The following GXYLT1 variants were observed in gnomAD, a reference collection of about 807,000 sequenced individuals.
The protein encoded by GXYLT1 is glycosyltransferase 8 domain containing 3.
GXYLT1 carries 29 observed loss-of-function variants against 54.0 expected under a neutral mutation model. The ratio of observed to expected loss-of-function variants is 0.54; its 90% CI spans 0.40 to 0.73. The LOEUF (loss-of-function observed/expected upper bound fraction) is 0.73. GXYLT1 is among the 30% of genes least tolerant of loss of function. GXYLT1 has a pLI of 0.00. For missense variants in GXYLT1, 490 were observed against 553.4 expected (o/e 0.89, Z 1.15); for synonymous variants, 176 against 204.1 (o/e 0.86, Z 1.17).
chr12:42,119,356 T>C (rs1592117887), intron 2 of GXYLT1, among the ~76,000 whole-genome samples, 185 bp from the exon 3 acceptor site: 1 of 151,582 alleles, frequency 6.6e-6, no homozygotes, highest in Middle Eastern at 3.4e-3. Context: ...CAGTAAGCTA[T>C]GACTGCATCA....
rs768877264 is a variant in GXYLT1 at position 42,087,770 on chromosome 12, A to G, written c.*16T>C. On this transcript the variant is annotated 3_prime_UTR_variant, in exon 8 of 8. Coordinates refer to ENST00000398675, the MANE Select transcript of GXYLT1 (RefSeq NM_173601.2). The stretch of plus-strand genomic sequence containing the variant: ...ATTCTTTGTTTTCATCCATTTGATT[A>G]AGCAGTCACCAAGAATCACTTTTCC... 4 of 1,549,580 alleles carry G rather than the reference A, an allele frequency of 2.6e-6. No individual in the cohort carries two copies. The highest frequency in any genetic ancestry group is 3.5e-6 in the Non-Finnish European group (4 of 1,136,120).
chr12:42,089,747 G>A (rs532736715), intron 7 of GXYLT1, among the ~76,000 whole-genome samples: 16 of 152,160 alleles, frequency 1.1e-4, no homozygotes, highest in Non-Finnish European at 2.2e-4. Flanking sequence ...AAATCCTGTT[G>A]AAGGACGAAG....
At chr12:42,088,041 T>TA in intron 7 of GXYLT1, 94 bp from the exon 8 acceptor site, 1 of 561,242 alleles carries the variant, frequency 1.8e-6, no homozygotes, top group East Asian at 3.3e-5. Context: ...ATCAGTTTAA[T>TA]ATGAACGATC....
chr12:42,088,401 A>G (rs1043449095), intron 7 of GXYLT1, among the ~76,000 whole-genome samples: 6 of 152,206 alleles, frequency 3.9e-5, no homozygotes, highest in Admixed American at 3.3e-4. Flanking sequence ...ATGATAACAT[A>G]GTTCAGCATG....
intron 6 of GXYLT1, 46 bp downstream of exon 6, chr12:42,097,864 T>C (rs1401346975): frequency 2.1e-6 from 3 of 1,402,264 alleles, no homozygotes; most frequent in South Asian, 1.2e-5. Flanking sequence ...CACTAAGTAT[T>C]ATCTGTGATT....
At chr12:42,096,513 A>G (rs942574522) in intron 7 of GXYLT1, among the ~76,000 whole-genome samples, 9 of 152,168 alleles carry the variant, frequency 5.9e-5, no homozygotes, top group Non-Finnish European at 1.2e-4. Flanking sequence ...ATAAGTATCA[A>G]AGGGTTCATA....
At chr12:42,116,953 AAAT>A (rs1203976682) in intron 3 of GXYLT1, among the ~76,000 whole-genome samples, 1 of 152,030 alleles carries the variant, frequency 6.6e-6, no homozygotes, top group Non-Finnish European at 1.5e-5. Context: ...CAGCCATAAA[AAAT>A]GATGAGTTCA....
chr12:42,097,144 T>TA lies in GXYLT1; in HGVS notation c.1161+297dup, dbSNP rs1222939617. ...AGCTTGACATATGTACTGTGGTTAA[T>TA]AAAAGAGCGTCCTTATTCTTAGTTT... On this transcript the variant is annotated intron_variant, in intron 7 of 7. Coordinates refer to ENST00000398675, the MANE Select transcript of GXYLT1 (RefSeq NM_173601.2). 2.0e-5 allele frequency among the ~76,000 whole-genome samples: 3 copies of TA among 151,916 alleles called. No individual in the cohort carries two copies. The South Asian group carries it at 6.2e-4, about 32-fold the overall frequency.
chr12:42,124,414 A>T (rs1217694026), intron 2 of GXYLT1, among the ~76,000 whole-genome samples: 2 of 152,158 alleles, frequency 1.3e-5, no homozygotes, highest in African/African-American at 4.8e-5. Context: ...ATTTGCAATC[A>T]ATGGCAAAAC....
At chr12:42,113,535 A>C (rs1194829193) in intron 3 of GXYLT1, among the ~76,000 whole-genome samples, 1 of 151,180 alleles carries the variant, frequency 6.6e-6, no homozygotes. Context: ...GAGACAAAGA[A>C]GGCCATTACA....
chr12:42,099,134 G>A (rs1192245349), intron 5 of GXYLT1, among the ~76,000 whole-genome samples: 1 of 152,126 alleles, frequency 6.6e-6, no homozygotes, highest in Admixed American at 6.6e-5. Flanking sequence ...TGCTACTGAA[G>A]AGCTGACAGA....
At chr12:42,106,370 GATA>G (rs2065421224) in intron 4 of GXYLT1, among the ~76,000 whole-genome samples, 1 of 152,102 alleles carries the variant, frequency 6.6e-6, no homozygotes, top group Non-Finnish European at 1.5e-5. Flanking sequence ...TTTCATAATG[GATA>G]ATAACATTAA....
At chr12:42,093,720 G>A (rs946714854) in intron 7 of GXYLT1, among the ~76,000 whole-genome samples, 1 of 152,004 alleles carries the variant, frequency 6.6e-6, no homozygotes, top group Non-Finnish European at 1.5e-5. Flanking sequence ...ATGCTGCCCA[G>A]GCTGGTCTCA....
At chr12:42,128,703 TTTTA>T (rs1239103201) in intron 2 of GXYLT1, among the ~76,000 whole-genome samples, 2 of 152,170 alleles carry the variant, frequency 1.3e-5, no homozygotes, top group African/African-American at 4.8e-5. Context: ...TTAATATTTA[TTTTA>T]TTTGTTTTTT....
chr12:42,105,201 T>A (rs1465410369), intron 5 of GXYLT1, among the ~76,000 whole-genome samples: 9 of 152,242 alleles, frequency 5.9e-5, no homozygotes. Context: ...TACATACTGA[T>A]GAAGTCTAAA....
At chr12:42,141,511 A>G (rs1341700641) in intron 1 of GXYLT1, among the ~76,000 whole-genome samples, 2 of 152,122 alleles carry the variant, frequency 1.3e-5, no homozygotes, top group East Asian at 3.8e-4. Context: ...TATACCTAAA[A>G]TGTGCTAAGA....
intron 2 of GXYLT1, among the ~76,000 whole-genome samples, chr12:42,121,817 G>C (rs2136908295): frequency 6.6e-6 from 1 of 151,996 alleles, no homozygotes; most frequent in Non-Finnish European, 1.5e-5. Context: ...CCTTTTTAGT[G>C]AAAGTATTAT....
chr12:42,119,710 A>G (rs1409746223), intron 2 of GXYLT1, among the ~76,000 whole-genome samples: 1 of 152,078 alleles, frequency 6.6e-6, no homozygotes, highest in African/African-American at 2.4e-5. Context: ...CAGGAGGCTG[A>G]CATGGGAGGA....
intron 1 of GXYLT1, among the ~76,000 whole-genome samples, chr12:42,132,201 A>T (rs1364729918): frequency 1.3e-5 from 2 of 152,182 alleles, no homozygotes; most frequent in Non-Finnish European, 2.9e-5. Flanking sequence ...CAGATATAGG[A>T]TCCTATCCCA....
Sources: gnomAD v4.1 joint callset for allele counts (sites outside exome capture counted in the v4.1 genomes callset) on GRCh38, gnomAD v4.1.1 for gene constraint, MANE v1.5 for transcripts, NCBI Gene and HGNC (gene_info 2026-07-23, HGNC 2026-07-21) for gene names.